Variants in DYNC2H1 observed in about 807,000 individuals in gnomAD.
DYNC2H1 encodes cytoplasmic dynein 2 heavy chain 1.
In DYNC2H1, 410 loss-of-function variants were observed where a neutral mutation model predicts 570.0. The ratio of observed to expected loss-of-function variants is 0.72; its 90% CI spans 0.66 to 0.78. The LOEUF (loss-of-function observed/expected upper bound fraction) is 0.78, where lower values mean the gene tolerates loss of function less well. Ranked by LOEUF, DYNC2H1 falls within the 30% of genes least tolerant of loss-of-function variation. DYNC2H1 has a pLI of 0.00. For missense variants in DYNC2H1, 4,865 were observed against 5,046.4 expected, an observed-to-expected ratio of 0.96 and a Z score of 1.09; for synonymous variants, 1,688 against 1,677.6, an observed-to-expected ratio of 1.01 and a Z score of -0.15.
At chr11:103,355,454 A>G (rs1040499962) in intron 82 of DYNC2H1, among the ~76,000 whole-genome samples, 1 of 152,210 alleles carries the variant, frequency 6.6e-6, no homozygotes, top group Non-Finnish European at 1.5e-5. Flanking sequence ...TTTATGCCAA[A>G]TAGGACAAAA....
chr11:103,267,454 C>T (rs1865554765), intron 70 of DYNC2H1, among the ~76,000 whole-genome samples: 1 of 151,414 alleles, frequency 6.6e-6, no homozygotes, highest in African/African-American at 2.4e-5. Flanking sequence ...CTCAATTTTA[C>T]CTTGTGTAAA....
intron 84 of DYNC2H1, chr11:103,405,439 T>C (rs1001572265): frequency 6.6e-6 from 1 of 151,978 alleles, no homozygotes; most frequent in African/African-American, 2.4e-5. Flanking sequence ...ATGAATTAAG[T>C]TCCCTGCTAA....
intron 6 of DYNC2H1, among the ~76,000 whole-genome samples, chr11:103,119,563 C>T (rs1315147825): frequency 6.6e-6 from 1 of 152,182 alleles, no homozygotes; most frequent in Non-Finnish European, 1.5e-5. Context: ...TGGTCTTGAA[C>T]TCCTGACCTC....
chr11:103,340,109 T>C (rs1438435004), intron 82 of DYNC2H1, among the ~76,000 whole-genome samples: 1 of 152,228 alleles, frequency 6.6e-6, no homozygotes, highest in Non-Finnish European at 1.5e-5. Flanking sequence ...CCCTTTGTTA[T>C]TATGTTAAAG....
Position 103,205,119 on chromosome 11 carries a change from G to T in DYNC2H1, c.8454+155G>T, listed in dbSNP as rs960982776. Among the ~76,000 whole-genome samples, 1 of 152,020 alleles carries T rather than the reference G, an allele frequency of 6.6e-6. No individual in the cohort carries two copies. Among genetic ancestry groups the T allele is most frequent in the African/African-American group, 2.4e-5 (1 of 41,396 alleles). ...AAATGTCTGTTTTCTTCGTACTCTT[G>T]CATCATAATTTAGTTGAATGTAGAA... On this transcript the variant is annotated intron_variant, in intron 52 of 88. Transcript: ENST00000375735. The surrounding 1 kb of genome is among the most constrained non-coding windows in gnomAD (Gnocchi z 4.5).
At chr11:103,110,821 CTTT>C (rs540978155) in intron 1 of DYNC2H1, among the ~76,000 whole-genome samples, 14 of 141,064 alleles carry the variant, frequency 9.9e-5, no homozygotes, top group Non-Finnish European at 1.1e-4. Flanking sequence ...CATTCAGTGC[CTTT>C]TTTTTTTTTT....
At position 103,287,577 on chromosome 11, in the gene DYNC2H1, C is replaced by A. The variant is rs1866400129; in HGVS notation, c.11067C>A (p.Ala3689=). The change falls in exon 75 of 89, where the codon GCC becomes GCA. Residue 3689 remains alanine, a synonymous_variant. Coordinates refer to ENST00000375735, the MANE Select transcript of DYNC2H1 (RefSeq NM_001377.3). ...TAAGACCGGACAGATTGCAAAGTGC[C>A]ATGGCTCTTTTTGCATGTAAAACTC... The part of the protein sequence containing the change: ...QALRPDRLQS[A]MALFACKTLG... 1.2e-6 allele frequency: 2 copies of A among 1,611,330 alleles called. No homozygotes were observed. The highest frequency in any genetic ancestry group is 1.3e-5 in the African/African-American group (1 of 74,848).
chr11:103,471,757 A>C (rs1481470409), intron 88 of DYNC2H1, among the ~76,000 whole-genome samples: 3 of 152,184 alleles, frequency 2.0e-5, no homozygotes, highest in African/African-American at 7.2e-5. Context: ...AGATAAACAG[A>C]TTTCTCCTGC....
At chr11:103,435,071 T>C (rs1944014677) in intron 84 of DYNC2H1, among the ~76,000 whole-genome samples, 2 of 152,136 alleles carry the variant, frequency 1.3e-5, no homozygotes, top group Admixed American at 1.3e-4. Context: ...CTGGCACTTA[T>C]CTATCACATT....
chr11:103,187,565 T>G lies in DYNC2H1; in HGVS notation c.7119T>G (p.Thr2373=). The change falls in exon 43 of 89, where the codon ACT becomes ACG. Residue 2373 remains threonine, a synonymous_variant. Transcript: ENST00000375735. The part of the protein sequence containing the change: ...LPKLDKWGTS[T]LVAFLQQVLT... ...AACTTGATAAATGGGGGACCAGTAC[T>G]TTGGTAGCATTCCTACAACAGGTAA... is the stretch of plus-strand genomic sequence containing the variant. 6.2e-7 allele frequency: 1 copy of G among 1,613,058 alleles called. No homozygotes were observed. The highest frequency in any genetic ancestry group is 8.5e-7 in the Non-Finnish European group (1 of 1,179,346).
At chr11:103,119,603 G>T (rs1184277710) in intron 6 of DYNC2H1, among the ~76,000 whole-genome samples, 1 of 152,164 alleles carries the variant, frequency 6.6e-6, no homozygotes, top group Non-Finnish European at 1.5e-5. Context: ...GCCTCTCAAA[G>T]TGCTGTGATT....
chr11:103,276,247 T>C (rs1448773071), intron 70 of DYNC2H1, among the ~76,000 whole-genome samples: 1 of 152,142 alleles, frequency 6.6e-6, no homozygotes, highest in Non-Finnish European at 1.5e-5. Context: ...ATTTTACGTA[T>C]GTAGGTGTGA....
At chr11:103,165,289 G>T (rs1861257652) in intron 30 of DYNC2H1, among the ~76,000 whole-genome samples, 1 of 151,992 alleles carries the variant, frequency 6.6e-6, no homozygotes, top group Non-Finnish European at 1.5e-5. Context: ...CACCATACCT[G>T]GCTAATTTTT....
At chr11:103,350,677 C>T (rs554033626) in intron 82 of DYNC2H1, among the ~76,000 whole-genome samples, 2 of 152,208 alleles carry the variant, frequency 1.3e-5, no homozygotes, top group African/African-American at 4.8e-5. Flanking sequence ...GTACAGCATA[C>T]TCAATTTCTG....
rs562544677 is a variant in DYNC2H1 at position 103,180,984 on chromosome 11, G to T, written c.6348-773G>T. Among the ~76,000 whole-genome samples the T allele has an allele frequency of 3.3e-5, 5 of 151,440 alleles. No homozygotes were observed. In the East Asian group the frequency reaches 7.7e-4, roughly 23 times the overall value. ...AAGATAGGAAAAAATGACAAAAATC[G>T]TGAGGTCTTGTCAATTCTAAAATAA... On this transcript the variant is annotated intron_variant, in intron 39 of 88. Transcript: ENST00000375735.
At chr11:103,115,594 T>A (rs1464608304) in intron 4 of DYNC2H1, among the ~76,000 whole-genome samples, 1 of 152,126 alleles carries the variant, frequency 6.6e-6, no homozygotes. Context: ...GGTCAGGAGT[T>A]CGAGACCAGC....
chr11:103,455,424 CT>C (rs1397101238), intron 86 of DYNC2H1, 129 bp downstream of exon 86: 1 of 736,590 alleles, frequency 1.4e-6, no homozygotes, highest in Non-Finnish European at 2.3e-6. Flanking sequence ...ATGTTATTTT[CT>C]TATTCTCTAC....
At chr11:103,213,657 C>T (rs1230175024) in intron 54 of DYNC2H1, among the ~76,000 whole-genome samples, 2 of 151,730 alleles carry the variant, frequency 1.3e-5, no homozygotes, top group Non-Finnish European at 2.9e-5. Flanking sequence ...AGATCCTTTG[C>T]CTGCTTTTTA....
rs1864532740 is a variant in DYNC2H1, at chr11:103,244,457, T to A, written c.9918+666T>A. 6.6e-6 allele frequency among the ~76,000 whole-genome samples: 1 copy of A among 150,896 alleles called. No homozygotes were observed. The highest frequency in any genetic ancestry group is 1.5e-5 in the Non-Finnish European group (1 of 67,588). Reference sequence around the variant, plus strand: ...TTACTTTACTTGTAAAATGGGGATATCTACCTTATTTTTTGTGTGATAAGA... The same window carrying A: ...TTACTTTACTTGTAAAATGGGGATAACTACCTTATTTTTTGTGTGATAAGA... On this transcript the variant is annotated intron_variant, in intron 64 of 88. Transcript: ENST00000375735. This position sits in a 1 kb window ranked among gnomAD's most constrained non-coding sequence, Gnocchi z 4.3.
Sources: allele counts gnomAD v4.1 joint callset (sites outside exome capture counted in the v4.1 genomes callset), GRCh38; gene constraint gnomAD v4.1.1; non-coding constraint Gnocchi (gnomAD v3.1); transcripts MANE v1.5; gene names NCBI Gene and HGNC (gene_info 2026-07-23, HGNC 2026-07-21).